Variants in SDCBP observed in about 807,000 individuals in gnomAD.
SDCBP encodes syndecan binding protein, also known as syntenin-1.
A neutral mutation model predicts 30.5 loss-of-function variants in SDCBP; 22 were observed. The ratio of observed to expected loss-of-function variants is 0.72; its 90% CI spans 0.52 to 1.03. SDCBP has a LOEUF of 1.03. SDCBP is among the 50% of genes least tolerant of loss of function. The pLI, the probability that SDCBP is intolerant of heterozygous loss-of-function variation, is 0.00. For synonymous variants in SDCBP, 103 were observed against 118.7 expected (o/e 0.87, Z 0.86); for missense variants, 304 against 369.9 (o/e 0.82, Z 1.46).
At chr8:58,561,158 T>C (rs761604353) in intron 1 of SDCBP, 1 of 152,062 alleles carries the variant, frequency 6.6e-6, no homozygotes, top group Non-Finnish European at 1.5e-5. Context: ...TGAAGCCAGG[T>C]CATTTGAAAT....
At chr8:58,581,627 A>G in intron 8 of SDCBP, 59 bp from the exon 9 acceptor site, 3 of 1,274,666 alleles carry the variant, frequency 2.4e-6, no homozygotes, top group South Asian at 1.2e-5. Flanking sequence ...GGATTAATGT[A>G]GCATTTTGAA....
chr8:58,561,817 G>T (rs1453147841), intron 1 of SDCBP: 2 of 681,844 alleles, frequency 2.9e-6, no homozygotes, highest in Non-Finnish European at 2.6e-6. Context: ...ACTTATTTCT[G>T]ATATATAAGT....
intron 8 of SDCBP, among the ~76,000 whole-genome samples, chr8:58,581,149 A>G (rs548394581): frequency 6.6e-6 from 1 of 152,338 alleles, no homozygotes; most frequent in East Asian, 1.9e-4. Flanking sequence ...ATATCCTAGC[A>G]TCTACCATAG....
chr8:58,560,752 C>T (rs1046269426), intron 1 of SDCBP: 2 of 152,144 alleles, frequency 1.3e-5, no homozygotes, highest in South Asian at 2.1e-4. Flanking sequence ...CTAGTCAGGC[C>T]GATCAGTGAG....
At chr8:58,556,945 A>G (rs1190821883) in intron 1 of SDCBP, among the ~76,000 whole-genome samples, 1 of 117,390 alleles carries the variant, frequency 8.5e-6, no homozygotes, top group Non-Finnish European at 1.7e-5. Flanking sequence ...TTATTTATGA[A>G]TAATATATAA....
chr8:58,557,118 A>G (rs1422394535), intron 1 of SDCBP, among the ~76,000 whole-genome samples: 2 of 123,062 alleles, frequency 1.6e-5, no homozygotes, highest in Non-Finnish European at 3.1e-5. Flanking sequence ...ATACTATTAT[A>G]TACAATATAG....
intron 1 of SDCBP, among the ~76,000 whole-genome samples, chr8:58,557,805 ATCT>A (rs1804228311): frequency 6.6e-6 from 1 of 152,162 alleles, no homozygotes; most frequent in African/African-American, 2.4e-5. Context: ...TGGGAGTTTT[ATCT>A]TCTTAGTGAT....
At chr8:58,560,266 G>C (rs924007121) in intron 1 of SDCBP, 1 of 152,446 alleles carries the variant, frequency 6.6e-6, no homozygotes, top group Admixed American at 6.5e-5. Flanking sequence ...AAAGCTGACA[G>C]GGGCTGGTGT....
Position 58,554,096 on chromosome 8 carries a change from G to A in SDCBP, c.-16+793G>A, listed in dbSNP as rs999716074. 3.3e-5 allele frequency among the ~76,000 whole-genome samples: 5 copies of A among 152,288 alleles called. No homozygotes were observed. The East Asian group carries it at 9.6e-4, about 29-fold the overall frequency. On this transcript the variant is annotated intron_variant, in intron 1 of 8. Coordinates refer to ENST00000260130, the MANE Select transcript of SDCBP (RefSeq NM_005625.4). ...TTATTGAGTCATGGAGTCTTCTAAT[G>A]TGTCCATTTTTGAAAGGAGTTTGTA... is the stretch of plus-strand genomic sequence containing the variant.
chr8:58,571,604 C>T (rs894903864), intron 3 of SDCBP, among the ~76,000 whole-genome samples: 3 of 151,982 alleles, frequency 2.0e-5, no homozygotes, highest in Non-Finnish European at 4.4e-5. Context: ...TAATTTAAGT[C>T]TCATGTAAAA....
intron 1 of SDCBP, chr8:58,561,507 C>G: frequency 2.8e-6 from 1 of 353,742 alleles, no homozygotes; most frequent in East Asian, 4.7e-5. Flanking sequence ...CTGTGGGACT[C>G]TAAGTGGATT....
At chr8:58,562,020 G>T (rs1308871017) in intron 1 of SDCBP, among the ~76,000 whole-genome samples, 1 of 148,068 alleles carries the variant, frequency 6.8e-6, no homozygotes, top group Non-Finnish European at 1.5e-5. Flanking sequence ...TAACCACAAA[G>T]AAAATACCTA....
rs1585699807 is a variant in SDCBP, at chr8:58,572,264, G to A, written c.190G>A (p.Glu64Lys). Residue 64 changes from glutamate (E) to lysine (K), a missense_variant, in exon 4 of 9, where the codon GAA (glutamate) becomes AAA (lysine). Transcript: ENST00000260130. ...ATACATGGGGCTGAGTTTAAATGAA[G>A]AAGAAATACGTGCAAATGTGGCCGT... ...SQYMGLSLNEEEIRANVAVVS... is the reference protein window; with the variant it reads ...SQYMGLSLNEKEIRANVAVVS... 6.2e-7 allele frequency: 1 copy of A among 1,612,514 alleles called. No individual in the cohort carries two copies. The highest frequency in any genetic ancestry group is 8.5e-7 in the Non-Finnish European group (1 of 1,179,764).
At chr8:58,576,274 G>A in intron 5 of SDCBP, 1 of 457,666 alleles carries the variant, frequency 2.2e-6, no homozygotes, top group Non-Finnish European at 3.9e-6. Flanking sequence ...TTTGAAAGAT[G>A]TTTCTTTTCT....
At chr8:58,555,562 C>T (rs553326376) in intron 1 of SDCBP, among the ~76,000 whole-genome samples, 1 of 152,244 alleles carries the variant, frequency 6.6e-6, no homozygotes, top group African/African-American at 2.4e-5. Flanking sequence ...AAATCTGTGT[C>T]TGCCCAGGAA....
intron 1 of SDCBP, among the ~76,000 whole-genome samples, chr8:58,564,555 C>T (rs1804606204): frequency 6.6e-6 from 1 of 152,054 alleles, no homozygotes; most frequent in Non-Finnish European, 1.5e-5. Context: ...ATATATTTTT[C>T]TTAGTAATAG....
At chr8:58,557,344 TA>T (rs1321942364) in intron 1 of SDCBP, among the ~76,000 whole-genome samples, 1 of 136,884 alleles carries the variant, frequency 7.3e-6, no homozygotes, top group Non-Finnish European at 1.5e-5. Flanking sequence ...TATAAATATA[TA>T]AAATATATAG....
chr8:58,579,548 C>G (rs531328671), intron 6 of SDCBP, 75 bp from the exon 7 acceptor site: 10 of 1,165,540 alleles, frequency 8.6e-6, no homozygotes, highest in Non-Finnish European at 1.2e-5. Flanking sequence ...AATATGGCAA[C>G]ATTTATGCTA....
intron 1 of SDCBP, among the ~76,000 whole-genome samples, chr8:58,553,957 G>T (rs1803963218): frequency 6.6e-6 from 1 of 152,154 alleles, no homozygotes; most frequent in Non-Finnish European, 1.5e-5. Context: ...ATACCCCTGA[G>T]ATCTGACCCC....
Sources: gnomAD v4.1 joint callset for allele counts (sites outside exome capture counted in the v4.1 genomes callset) on GRCh38, gnomAD v4.1.1 for gene constraint, MANE v1.5 for transcripts, NCBI Gene and HGNC (gene_info 2026-07-23, HGNC 2026-07-21) for gene names.